Variants in KALRN observed in about 807,000 individuals in gnomAD.
KALRN encodes kalirin RhoGEF kinase.
A neutral mutation model predicts 353.7 loss-of-function variants in KALRN; 70 were observed. That is an observed-to-expected ratio of 0.20 (90% confidence interval 0.16 to 0.24). KALRN has a LOEUF of 0.24. Ranked by LOEUF, KALRN falls within the 10% of genes least tolerant of loss-of-function variation. KALRN has a pLI of 1.00. For synonymous variants in KALRN, 1,391 were observed against 1,434.8 expected, an observed-to-expected ratio of 0.97 and a Z score of 0.69; for missense variants, 2,791 against 3,756.7, an observed-to-expected ratio of 0.74 and a Z score of 6.72.
At chr3:124,372,207 C>T (rs1337261883) in intron 10 of KALRN, among the ~76,000 whole-genome samples, 1 of 152,116 alleles carries the variant, frequency 6.6e-6, no homozygotes, top group Non-Finnish European at 1.5e-5. Context: ...AAACAATGCC[C>T]TGCATATAAT....
At position 124,664,370 on chromosome 3, in the gene KALRN, T is replaced by TGTGCGC. The variant is rs370394911; in HGVS notation, c.6346-2078_6346-2077insTGCGCG. On this transcript the variant is annotated intron_variant, in intron 45 of 59. Transcript: ENST00000682506. ...GTGTGTGTGTGTGTGTGTGTGTGTG[T>TGTGCGC]GCGCGCGCGCGCATATAAGGGCACC... 4.1e-3 allele frequency among the ~76,000 whole-genome samples: 527 copies of TGTGCGC among 129,544 alleles called. 7 individuals are homozygous for TGTGCGC. The highest frequency in any genetic ancestry group is 0.012 in the African/African-American group (408 of 34,532). 85.0% of individuals were successfully genotyped at this position (129,544 alleles called of 152,430 possible).
At chr3:124,447,578 C>T (rs2093881430) in intron 21 of KALRN, among the ~76,000 whole-genome samples, 3 of 152,204 alleles carry the variant, frequency 2.0e-5, no homozygotes, top group Admixed American at 6.5e-5. Flanking sequence ...ATCTCTCACA[C>T]GGGGCTCCTT....
At chr3:124,699,613 T>C (rs1240703512) in intron 55 of KALRN, among the ~76,000 whole-genome samples, 1 of 152,218 alleles carries the variant, frequency 6.6e-6, no homozygotes, top group African/African-American at 2.4e-5. Context: ...GTCTTTTTAC[T>C]CTGGCACTTG....
chr3:124,108,955 A>T (rs1255866078), intron 1 of KALRN, among the ~76,000 whole-genome samples: 1 of 152,150 alleles, frequency 6.6e-6, no homozygotes, highest in African/African-American at 2.4e-5. Flanking sequence ...GCTGCAGGTA[A>T]TTCAACCCAA....
chr3:124,185,127 T>C (rs1412692943), intron 1 of KALRN, among the ~76,000 whole-genome samples: 1 of 152,186 alleles, frequency 6.6e-6, no homozygotes, highest in Admixed American at 6.5e-5. Context: ...GTGATTCTCC[T>C]ACCTCAGCCT....
intron 1 of KALRN, chr3:124,163,918 G>A: frequency 2.0e-6 from 2 of 985,434 alleles, no homozygotes; most frequent in African/African-American, 1.7e-5. Context: ...GTCCCCTGCT[G>A]AGGGCTGTTG....
intron 6 of KALRN, among the ~76,000 whole-genome samples, chr3:124,315,904 A>G (rs1265027802): frequency 1.3e-5 from 2 of 152,166 alleles, no homozygotes; most frequent in African/African-American, 4.8e-5. Context: ...GATAATAATC[A>G]GTGACAGTGC....
chr3:124,567,121 C>T (rs2072940877), intron 34 of KALRN, among the ~76,000 whole-genome samples: 1 of 152,172 alleles, frequency 6.6e-6, no homozygotes, highest in Admixed American at 6.5e-5. Flanking sequence ...ATGACAATGC[C>T]CAGACCCCAC....
At chr3:124,632,845 A>G in intron 35 of KALRN, 142 bp downstream of exon 35, 2 of 828,330 alleles carry the variant, frequency 2.4e-6, no homozygotes, top group Admixed American at 5.6e-5. Flanking sequence ...TTTTATTCTT[A>G]AGACATTGGC....
At chr3:124,642,822 T>G (rs1490925324) in intron 37 of KALRN, among the ~76,000 whole-genome samples, 13 of 145,198 alleles carry the variant, frequency 9.0e-5, no homozygotes, top group Non-Finnish European at 1.5e-4. Context: ...TTTTTTTTTT[T>G]TTTTGAGACG....
At chr3:124,074,869 G>A (rs2060191495) in intron 1 of KALRN, among the ~76,000 whole-genome samples, 1 of 152,234 alleles carries the variant, frequency 6.6e-6, no homozygotes, top group South Asian at 2.1e-4. Flanking sequence ...CTGAAAAAGT[G>A]TTTTTCCTGT....
chr3:124,716,172 A>G (rs1014886248), intron 58 of KALRN, among the ~76,000 whole-genome samples: 1 of 152,164 alleles, frequency 6.6e-6, no homozygotes, highest in Non-Finnish European at 1.5e-5. Flanking sequence ...TCCATATACC[A>G]TGTTCTCAAT....
intron 29 of KALRN, among the ~76,000 whole-genome samples, chr3:124,489,393 C>T (rs1026086842): frequency 1.3e-5 from 2 of 152,080 alleles, no homozygotes; most frequent in Admixed American, 6.6e-5. Context: ...AATATGTAAA[C>T]ACGTGGGCTG....
At chr3:124,165,242 T>C (rs2070644820) in intron 1 of KALRN, among the ~76,000 whole-genome samples, 1 of 152,236 alleles carries the variant, frequency 6.6e-6, no homozygotes, top group East Asian at 1.9e-4. Flanking sequence ...AAATAAATGT[T>C]GCTGCTTGTC....
chr3:124,679,861 G>A, intron 51 of KALRN: 1 of 365,674 alleles, frequency 2.7e-6, no homozygotes, highest in Non-Finnish European at 5.2e-6. Context: ...ACTGTAAAGA[G>A]TGGATGAGTC....
chr3:124,334,898 G>A lies in KALRN; in HGVS notation c.1647+403G>A, dbSNP rs148582484. 7.2e-5 allele frequency among the ~76,000 whole-genome samples: 11 copies of A among 152,272 alleles called. No homozygotes were observed. Among genetic ancestry groups the A allele is most frequent in the Non-Finnish European group, 1.5e-4 (10 of 68,020 alleles). ...CAACCTCCGCTTTCTGGGTTCAAGC[G>A]ATTCTTGTTCCTCAGCCTCCCAAGT... On this transcript the variant is annotated intron_variant, in intron 9 of 59. Coordinates refer to ENST00000682506, the MANE Select transcript of KALRN (RefSeq NM_001388419.1). This position sits in a 1 kb window ranked among gnomAD's most constrained non-coding sequence, Gnocchi z 4.2.
At chr3:124,247,834 C>T (rs997585132) in intron 3 of KALRN, among the ~76,000 whole-genome samples, 5 of 152,174 alleles carry the variant, frequency 3.3e-5, no homozygotes, top group South Asian at 2.1e-4. Context: ...TGTAGGCACT[C>T]ATCAGTTGCA....
In KALRN at chr3:124,707,258, G is replaced by A. The variant is rs1347691051; in HGVS notation, c.8075+5142G>A. Among the ~76,000 whole-genome samples the A allele has an allele frequency of 3.3e-5, 5 of 152,126 alleles. No homozygotes were observed. The East Asian group carries it at 9.7e-4, about 29-fold the overall frequency. The stretch of plus-strand genomic sequence containing the variant: ...CTTGGGAAGCTGAGGTGGGAGGATT[G>A]CTTGAGCCTGGGAGGTCGAGATCGC... On this transcript the variant is annotated intron_variant, in intron 57 of 59. Coordinates refer to ENST00000682506, the MANE Select transcript of KALRN (RefSeq NM_001388419.1).
At chr3:124,146,346 A>C (rs1255157652) in intron 1 of KALRN, among the ~76,000 whole-genome samples, 1 of 152,240 alleles carries the variant, frequency 6.6e-6, no homozygotes, top group Non-Finnish European at 1.5e-5. Context: ...TGAATCTAAA[A>C]ATTAAAAAAT....
Sources: allele counts gnomAD v4.1 joint callset (sites outside exome capture counted in the v4.1 genomes callset), GRCh38; gene constraint gnomAD v4.1.1; non-coding constraint Gnocchi (gnomAD v3.1); transcripts MANE v1.5; gene names NCBI Gene and HGNC (gene_info 2026-07-23, HGNC 2026-07-21).